Variants in SMAD7 observed in about 807,000 individuals in gnomAD.
SMAD7 encodes SMAD family member 7.
In SMAD7, 8 loss-of-function variants were observed where a neutral mutation model predicts 38.7. The observed-to-expected ratio is 0.21, with a 90% CI of 0.12 to 0.37. The LOEUF is 0.37. Ranked by LOEUF, SMAD7 falls within the 10% of genes least tolerant of loss-of-function variation. SMAD7 has a pLI of 1.00. For synonymous variants in SMAD7, 327 were observed against 265.1 expected (o/e 1.23, Z -2.27); for missense variants, 477 against 577.9 (o/e 0.83, Z 1.79).
chr18:48,930,599 C>A (rs2069986570), intron 3 of SMAD7, among the ~76,000 whole-genome samples: 1 of 152,102 alleles, frequency 6.6e-6, no homozygotes, highest in African/African-American at 2.4e-5. Context: ...CACTGCCCCT[C>A]CCCCACCGCG....
In SMAD7 at chr18:48,949,817, T is replaced by C. The variant is rs375674516; in HGVS notation, c.608A>G (p.Glu203Gly). The change falls in exon 1 of 4, where the codon GAA (glutamate) becomes GGA (glycine). Residue 203 changes from glutamate to glycine, a missense_variant. Physicochemically the swap from Glu to Gly is moderately conservative, Grantham distance 98 (BLOSUM62 -2). Around this residue, in one of 2 missense-constraint regions of SMAD7, gnomAD observed 376 missense variants for 379.4 expected, o/e 0.99. Transcript: ENST00000262158. ...GTAGGGGGACAACTTCTCACCTAGT[T>C]CGCAGAGTCGGCTAAGGTGATGGGG... ...CNPHHLSRLC[E>G]LESPPPPYSR... is the part of the protein sequence containing the mutation. 2.7e-5 allele frequency: 43 copies of C among 1,607,564 alleles called. No individual in the cohort carries two copies. Among genetic ancestry groups the C allele is most frequent in the Non-Finnish European group, 3.7e-5 (43 of 1,176,690 alleles).
Position 48,948,405 on chromosome 18 carries a change from T to C in SMAD7, c.646A>G (p.Met216Val). Residue 216 changes from methionine to valine, a missense_variant, in exon 2 of 4, where the codon ATG becomes GTG. Physicochemically the swap from Met to Val is conservative, Grantham distance 21. Around this residue, in one of 2 missense-constraint regions of SMAD7, gnomAD observed 376 missense variants for 379.4 expected, o/e 0.99. Transcript: ENST00000262158. Reference sequence around the variant, plus strand: ...TCACCAGTTGGTTTGAGAAAATCCATCGGGTATCTGGAGTAAGGAGGGGGG... The same window carrying C: ...TCACCAGTTGGTTTGAGAAAATCCACCGGGTATCTGGAGTAAGGAGGGGGG... ...SPPPPYSRYP[M>V]DFLKPTADCP... The C allele has an allele frequency of 6.2e-7, 1 of 1,602,998 alleles. No individual in the cohort carries two copies. The highest frequency in any genetic ancestry group is 8.5e-7 in the Non-Finnish European group (1 of 1,174,898).
chr18:48,921,298 G>T lies in SMAD7; in HGVS notation c.*74C>A. The T allele has an allele frequency of 7.4e-7, 1 of 1,354,532 alleles. No individual in the cohort carries two copies. Among genetic ancestry groups the T allele is most frequent in the Non-Finnish European group, 1.0e-6 (1 of 995,818 alleles). The allele number at this position is 1,354,532 out of a possible 1,614,324, so 83.9% of individuals were successfully genotyped here. ...AGTTTGCATGAAAAGCAAGCACTCA[G>T]GAGGAAAATATTAGCAGCAAAGTAG... On this transcript the variant is annotated 3_prime_UTR_variant, in exon 4 of 4. Coordinates refer to ENST00000262158, the MANE Select transcript of SMAD7 (RefSeq NM_005904.4). This position sits in a 1 kb window ranked among gnomAD's most constrained non-coding sequence, Gnocchi z 6.4.
At chr18:48,927,776 A>G (rs2069947080) in intron 3 of SMAD7, among the ~76,000 whole-genome samples, 1 of 152,176 alleles carries the variant, frequency 6.6e-6, no homozygotes, top group Non-Finnish European at 1.5e-5. Context: ...CCCATGGTAG[A>G]ACAGTTCTGG....
intron 2 of SMAD7, among the ~76,000 whole-genome samples, chr18:48,945,230 G>A (rs547365814): frequency 6.6e-6 from 1 of 152,220 alleles, no homozygotes; most frequent in East Asian, 1.9e-4. Context: ...GGAAGCAGAG[G>A]TGGGCAGATC....
At chr18:48,924,237 A>G (rs1158769183) in intron 3 of SMAD7, among the ~76,000 whole-genome samples, 1 of 151,348 alleles carries the variant, frequency 6.6e-6, no homozygotes, top group Non-Finnish European at 1.5e-5. Flanking sequence ...TGGGTGGGAG[A>G]CCCTCAGCAG....
intron 3 of SMAD7, among the ~76,000 whole-genome samples, chr18:48,937,757 G>A (rs1401373262): frequency 6.6e-6 from 1 of 152,118 alleles, no homozygotes; most frequent in African/African-American, 2.4e-5. Flanking sequence ...TGGCCTGCAG[G>A]GTACTAAGGG....
Position 48,942,552 on chromosome 18 carries a change from T to C in SMAD7, c.671A>G (p.Asp224Gly), listed in dbSNP as rs759989327. The change falls in exon 3 of 4, where the codon GAC (aspartate) becomes GGC (glycine). Residue 224 changes from aspartate to glycine, a missense_variant. Asp to Gly is a moderately conservative substitution (Grantham distance 94, BLOSUM62 -1). Coordinates refer to ENST00000262158, the MANE Select transcript of SMAD7 (RefSeq NM_005904.4). ...GGAGGAAGGCACAGCATCTGGACAG[T>C]CTGCTGTGGATTTGAAAAGGGGAGA... The part of the protein sequence containing the change: ...YPMDFLKPTA[D>G]CPDAVPSSAE... 6.2e-6 allele frequency: 10 copies of C among 1,613,300 alleles called. No individual in the cohort carries two copies. The South Asian group carries it at 9.9e-5, about 16-fold the overall frequency.
intron 2 of SMAD7, among the ~76,000 whole-genome samples, chr18:48,946,901 C>T (rs1483309965): frequency 2.0e-5 from 3 of 152,100 alleles, no homozygotes; most frequent in Non-Finnish European, 4.4e-5. Context: ...GAACATTTAC[C>T]CCTGCTGGTC....
In SMAD7 at chr18:48,950,317, C is replaced by G. The variant is rs2070248293; in HGVS notation, c.108G>C (p.Glu36Asp). 4.6e-6 allele frequency: 7 copies of G among 1,536,030 alleles called. No homozygotes were observed. Among genetic ancestry groups the G allele is most frequent in the Non-Finnish European group, 5.3e-6 (6 of 1,141,506 alleles). Residue 36 changes from glutamate (E) to aspartate (D), a missense_variant, in exon 1 of 4, where the codon GAG (glutamate) becomes GAC (aspartate). This residue lies in a region of SMAD7 where 376 missense variants were observed against 379.4 expected (regional missense o/e 0.99). Coordinates refer to ENST00000262158, the MANE Select transcript of SMAD7 (RefSeq NM_005904.4). ...EGAGGGGGGG[E>D]LRGEGATDSR... ...TGTCCGTCGCCCCTTCTCCCCGCAG[C>G]TCGCCTCCTCCTCCACCTCCCCCTG...
intron 3 of SMAD7, among the ~76,000 whole-genome samples, chr18:48,941,028 C>G (rs953181005): frequency 1.3e-5 from 2 of 152,052 alleles, no homozygotes; most frequent in Non-Finnish European, 2.9e-5. Context: ...TTGGAGGGGC[C>G]GGGGCTCCTC....
At chr18:48,942,397 GCAGAAGGCCAC>G in intron 3 of SMAD7, 73 bp downstream of exon 3, 5 of 897,176 alleles carry the variant, frequency 5.6e-6, no homozygotes, top group Non-Finnish European at 8.7e-6. Flanking sequence ...AGCTGGGGTG[GCAGAAGGCCAC>G]CCCCATTCCT....
At chr18:48,949,710 A>T in intron 1 of SMAD7, 102 bp downstream of exon 1, 2 of 1,296,324 alleles carry the variant, frequency 1.5e-6, no homozygotes. Context: ...GGGTATGCAC[A>T]CTCCCCCTGG....
chr18:48,927,679 C>A (rs967126095), intron 3 of SMAD7, among the ~76,000 whole-genome samples: 1 of 152,326 alleles, frequency 6.6e-6, no homozygotes, highest in East Asian at 1.9e-4. Context: ...GCTGCACACA[C>A]GTTGGTCTCA....
intron 3 of SMAD7, among the ~76,000 whole-genome samples, chr18:48,937,025 C>G: frequency 6.6e-6 from 1 of 151,676 alleles, no homozygotes; most frequent in East Asian, 1.9e-4. Context: ...GTTGCAGTGA[C>G]TCGAGATCCT....
intron 1 of SMAD7, 95 bp from the exon 2 acceptor site, chr18:48,948,532 T>C (rs2070222853): frequency 1.2e-6 from 1 of 859,552 alleles, no homozygotes; most frequent in South Asian, 1.7e-5. Flanking sequence ...CCCAACTGTT[T>C]GTCTTAGCTG....
chr18:48,932,017 A>C (rs2070008302), intron 3 of SMAD7, among the ~76,000 whole-genome samples: 1 of 152,218 alleles, frequency 6.6e-6, no homozygotes, highest in Non-Finnish European at 1.5e-5. Context: ...CCCACTGAGC[A>C]GGAGATGGGG....
At chr18:48,945,355 G>C (rs766238218) in intron 2 of SMAD7, among the ~76,000 whole-genome samples, 3 of 152,110 alleles carry the variant, frequency 2.0e-5, no homozygotes, top group Non-Finnish European at 4.4e-5. Flanking sequence ...CCAGCTGCTC[G>C]GGAGGCTGAG....
chr18:48,927,093 T>C (rs4939827), intron 3 of SMAD7, among the ~76,000 whole-genome samples: 86,794 of 152,012 alleles, frequency 0.57, 25,529 homozygotes, highest in South Asian at 0.7. Flanking sequence ...AAAGAGGAAA[T>C]AGGACCCCAG....
Sources: gnomAD v4.1 joint callset for allele counts (sites outside exome capture counted in the v4.1 genomes callset) on GRCh38, gnomAD v4.1.1 for gene constraint, gnomAD v4.1.1 regional missense constraint, Gnocchi (gnomAD v3.1) non-coding constraint, MANE v1.5 for transcripts, NCBI Gene and HGNC (gene_info 2026-07-23, HGNC 2026-07-21) for gene names.